The following RUFY3 variants were observed in gnomAD, a reference collection of about 807,000 sequenced individuals.
RUFY3 encodes the protein RUN and FYVE domain containing 3.
Under a neutral mutation model 84.0 loss-of-function variants are expected in RUFY3, and 34 were observed. That is an observed-to-expected ratio of 0.40 (90% CI 0.31 to 0.54). The LOEUF (loss-of-function observed/expected upper bound fraction) is 0.54. Ranked by LOEUF, RUFY3 falls within the 20% of genes least tolerant of loss-of-function variation. The probability of loss-of-function intolerance (pLI) is 0.39; values close to 1 mark genes in which losing one functional copy is unlikely to be tolerated. For missense variants in RUFY3, 507 were observed against 736.8 expected (o/e 0.69, Z 3.61); for synonymous variants, 242 against 252.9 (o/e 0.96, Z 0.41).
chr4:70,718,821 G>A (rs956289211), upstream of RUFY3, among the ~76,000 whole-genome samples: 1 of 151,874 alleles, frequency 6.6e-6, no homozygotes, highest in Non-Finnish European at 1.5e-5. Context: ...AGGTTCAAGC[G>A]ATTCTCCTGC....
chr4:70,770,471 T>C (rs1726765054), intron 5 of RUFY3, among the ~76,000 whole-genome samples: 1 of 152,234 alleles, frequency 6.6e-6, no homozygotes, highest in Admixed American at 6.5e-5. Context: ...ACTTGTACTT[T>C]TATGTTATGG....
At chr4:70,753,032 C>G (rs1328179984) in intron 1 of RUFY3, among the ~76,000 whole-genome samples, 1 of 151,946 alleles carries the variant, frequency 6.6e-6, no homozygotes, top group Admixed American at 6.6e-5. Flanking sequence ...GTCCTGGCCT[C>G]CTCTGTATGC....
chr4:70,748,733 C>G (rs554625930), intron 1 of RUFY3, among the ~76,000 whole-genome samples: 11 of 152,042 alleles, frequency 7.2e-5, no homozygotes, highest in Non-Finnish European at 1.5e-4. Flanking sequence ...ATGCTTCACA[C>G]GTGGTAGGTT....
intron 1 of RUFY3, among the ~76,000 whole-genome samples, chr4:70,705,467 G>A (rs1441508752): frequency 3.3e-5 from 5 of 152,166 alleles, no homozygotes; most frequent in African/African-American, 9.6e-5. Flanking sequence ...GGCGCCCGGT[G>A]AGGAGGCAGC....
chr4:70,780,733 G>C (rs1036956028), intron 8 of RUFY3, among the ~76,000 whole-genome samples: 1 of 152,188 alleles, frequency 6.6e-6, no homozygotes, highest in Non-Finnish European at 1.5e-5. Flanking sequence ...TTAGGGCTTA[G>C]AACAGTACCT....
chr4:70,745,719 A>G (rs551922343), intron 1 of RUFY3, among the ~76,000 whole-genome samples: 26 of 152,310 alleles, frequency 1.7e-4, no homozygotes, highest in Middle Eastern at 3.4e-3. Context: ...CAGAAGAAAC[A>G]TATCTTAAGA....
intron 1 of RUFY3, among the ~76,000 whole-genome samples, chr4:70,724,168 C>T (rs559609174): frequency 2.6e-5 from 4 of 152,148 alleles, no homozygotes; most frequent in South Asian, 2.1e-4. Context: ...ATCAAAACAT[C>T]GTTACATCCA....
upstream of RUFY3, among the ~76,000 whole-genome samples, chr4:70,721,314 AAAG>A (rs1211827442): frequency 6.6e-6 from 1 of 152,168 alleles, no homozygotes; most frequent in Non-Finnish European, 1.5e-5. Flanking sequence ...AAAGAAAAAA[AAAG>A]AAACGTATTT....
intron 11 of RUFY3, 107 bp downstream of exon 11, chr4:70,789,080 C>T: frequency 6.8e-7 from 1 of 1,467,206 alleles, no homozygotes; most frequent in Non-Finnish European, 9.0e-7. Context: ...AGGAAAGAAT[C>T]ACATCTCATT....
At chr4:70,789,173 T>G (rs1352617833) in intron 11 of RUFY3, among the ~76,000 whole-genome samples, 200 bp downstream of exon 11, 2 of 152,150 alleles carry the variant, frequency 1.3e-5, no homozygotes, top group Non-Finnish European at 2.9e-5. Context: ...CCATGGCCAC[T>G]TTTCACATTA....
intron 1 of RUFY3, among the ~76,000 whole-genome samples, chr4:70,733,029 T>G (rs967604600): frequency 6.1e-5 from 9 of 147,338 alleles, no homozygotes; most frequent in Non-Finnish European, 1.3e-4. Context: ...ATCGCGCCAC[T>G]GCACTCTAAC....
chr4:70,754,212 C>G (rs1723605145), intron 1 of RUFY3, among the ~76,000 whole-genome samples: 1 of 152,116 alleles, frequency 6.6e-6, no homozygotes, highest in Non-Finnish European at 1.5e-5. Flanking sequence ...GGCACCACAC[C>G]CAGCTAACTT....
intron 1 of RUFY3, among the ~76,000 whole-genome samples, chr4:70,759,426 G>A (rs1724645124): frequency 6.6e-6 from 1 of 150,850 alleles, no homozygotes; most frequent in Admixed American, 6.6e-5. Context: ...TATTCATGTT[G>A]ATGACACTTA....
At chr4:70,806,425 T>C (rs971436779) in intron 17 of RUFY3, 91 bp from the exon 18 acceptor site, 1 of 1,390,890 alleles carries the variant, frequency 7.2e-7, no homozygotes, top group East Asian at 2.3e-5. Context: ...TGATTAGGCA[T>C]TGAGCATTTG....
Position 70,788,970 on chromosome 4 carries a change from G to A in RUFY3, c.1236G>A (p.Leu412=), listed in dbSNP as rs770384568. 3 of 1,613,878 alleles carry A rather than the reference G, an allele frequency of 1.9e-6. No homozygotes were observed. The highest frequency in any genetic ancestry group is 2.5e-6 in the Non-Finnish European group (3 of 1,179,844). ...TCAAGCATGAACTTGCCTTTAAGCT[G>A]CAGGTAGGGGAAATATGAGGAATAG... ...RALKHELAFK[L]QSSDLGVKQK... is the part of the protein sequence containing the mutation. The change falls in exon 11 of 18, where the codon CTG becomes CTA. Residue 412 remains leucine (L), a synonymous_variant. Transcript: ENST00000381006.
chr4:70,743,438 C>G (rs1029305994), intron 1 of RUFY3, among the ~76,000 whole-genome samples: 5 of 152,012 alleles, frequency 3.3e-5, no homozygotes, highest in Admixed American at 2.0e-4. Context: ...CTTTGATAGA[C>G]TAGATATTAA....
At chr4:70,764,363 A>G (rs1470976990) in intron 3 of RUFY3, 112 bp from the exon 4 acceptor site, 3 of 727,838 alleles carry the variant, frequency 4.1e-6, no homozygotes, top group African/African-American at 3.5e-5. Context: ...GGAGCACCTC[A>G]GTGTGCTTGT....
chr4:70,756,592 C>T (rs1194327105), intron 1 of RUFY3, among the ~76,000 whole-genome samples: 4 of 152,162 alleles, frequency 2.6e-5, no homozygotes, highest in African/African-American at 9.7e-5. Context: ...CTGTTCCCTT[C>T]ACATCTCTAC....
chr4:70,765,789 C>T (rs1725799875), intron 4 of RUFY3, among the ~76,000 whole-genome samples: 1 of 148,818 alleles, frequency 6.7e-6, no homozygotes, highest in South Asian at 2.1e-4. Context: ...CAGAGTCTCA[C>T]TCTGTCACCA....
Sources: allele counts gnomAD v4.1 joint callset (sites outside exome capture counted in the v4.1 genomes callset), GRCh38; gene constraint gnomAD v4.1.1; transcripts MANE v1.5; gene names NCBI Gene and HGNC (gene_info 2026-07-23, HGNC 2026-07-21).